Variants in NPTN observed in about 807,000 individuals in gnomAD.
NPTN encodes the protein SDR-1.
In NPTN, 5 loss-of-function variants were observed where a neutral mutation model predicts 42.7. The observed-to-expected ratio is 0.12, with a 90% CI of 0.06 to 0.25. NPTN has a LOEUF of 0.25. Ranked by LOEUF, NPTN falls within the 10% of genes least tolerant of loss-of-function variation. NPTN has a pLI of 1.00. For missense variants in NPTN, 307 were observed against 525.4 expected (o/e 0.58, Z 4.06); for synonymous variants, 180 against 201.9 (o/e 0.89, Z 0.92).
Position 73,606,467 on chromosome 15 carries a change from T to C in NPTN, c.92-9098A>G, listed in dbSNP as rs76770268. Reference sequence around the variant, plus strand: ...GCCATTAAAAACCAGGAATGTCTCATGCAGGGGAAACAGAAAAATGCACAC... The same window carrying C: ...GCCATTAAAAACCAGGAATGTCTCACGCAGGGGAAACAGAAAAATGCACAC... On this transcript the variant is annotated intron_variant, in intron 1 of 8. Coordinates refer to ENST00000345330, the MANE Select transcript of NPTN (RefSeq NM_012428.4). Among the ~76,000 whole-genome samples the C allele has an allele frequency of 4.0e-3, 602 of 152,300 alleles. 4 individuals are homozygous for C. Among genetic ancestry groups the C allele is most frequent in the African/African-American group, 0.014 (586 of 41,566 alleles).
intron 1 of NPTN, among the ~76,000 whole-genome samples, chr15:73,605,099 A>AGGCGGGGGG (rs1402136743): frequency 4.1e-5 from 5 of 121,682 alleles, no homozygotes; most frequent in African/African-American, 1.8e-4. Flanking sequence ...CCCTGTCTCA[A>AGGCGGGGGG]GGGGGGGGGG....
In NPTN at chr15:73,570,366, A is replaced by G. The variant is rs1895299382; in HGVS notation, c.898T>C (p.Leu300=). The change falls in exon 6 of 9, where the codon TTG becomes CTG. Residue 300 remains leucine (L), a synonymous_variant. Transcript: ENST00000345330. This position sits in a 1 kb window ranked among gnomAD's most constrained non-coding sequence, Gnocchi z 4.0. ...GTGATCTGCAGGTTCACAATGTTCA[A>G]CTCAGTGTAATTTTCCTTGTTGATG... ...FIINKENYTE[L]NIVNLQITED... 6.2e-6 allele frequency: 10 copies of G among 1,613,970 alleles called. No individual in the cohort carries two copies. The highest frequency in any genetic ancestry group is 8.5e-6 in the Non-Finnish European group (10 of 1,180,006).
intron 1 of NPTN, among the ~76,000 whole-genome samples, chr15:73,615,515 T>C (rs1897822580): frequency 6.6e-6 from 1 of 152,172 alleles, no homozygotes. Flanking sequence ...CTGACAGCAA[T>C]GCTTTTACTA....
intron 1 of NPTN, among the ~76,000 whole-genome samples, chr15:73,626,558 C>T (rs1272762768): frequency 1.3e-5 from 2 of 152,114 alleles, no homozygotes; most frequent in African/African-American, 4.8e-5. Context: ...GTTTCCAAAT[C>T]CTACCATCAG....
intron 6 of NPTN, chr15:73,568,435 A>G: frequency 1.0e-6 from 1 of 985,384 alleles, no homozygotes; most frequent in Non-Finnish European, 1.2e-6. Flanking sequence ...TTCTGGGGGG[A>G]TAAAAAGGCC....
chr15:73,612,657 C>T (rs1897650483), intron 1 of NPTN, among the ~76,000 whole-genome samples: 1 of 152,086 alleles, frequency 6.6e-6, no homozygotes, highest in African/African-American at 2.4e-5. Context: ...GTAGTCTCAG[C>T]TACGTGGGAG....
intron 1 of NPTN, among the ~76,000 whole-genome samples, chr15:73,628,103 T>C (rs1439033434): frequency 1.3e-5 from 2 of 152,238 alleles, no homozygotes; most frequent in African/African-American, 2.4e-5. Flanking sequence ...TTTTAAAAAT[T>C]TGTATAAAAT....
intron 1 of NPTN, among the ~76,000 whole-genome samples, chr15:73,617,471 T>C (rs1897918121): frequency 6.6e-6 from 1 of 152,196 alleles, no homozygotes; most frequent in African/African-American, 2.4e-5. Context: ...TTCCCTCCTG[T>C]GGTTAGTTAC....
chr15:73,609,068 T>G (rs919297399), intron 1 of NPTN, among the ~76,000 whole-genome samples: 1 of 152,146 alleles, frequency 6.6e-6, no homozygotes, highest in Non-Finnish European at 1.5e-5. Context: ...AGAATGGAAC[T>G]TTCTACATAA....
chr15:73,621,914 A>T (rs575664228), intron 1 of NPTN, among the ~76,000 whole-genome samples: 1 of 152,166 alleles, frequency 6.6e-6, no homozygotes, highest in Admixed American at 6.5e-5. Context: ...GCCTTAGCCC[A>T]TAACAAAAGG....
At chr15:73,598,786 A>C (rs900661224) in intron 1 of NPTN, among the ~76,000 whole-genome samples, 3 of 152,210 alleles carry the variant, frequency 2.0e-5, no homozygotes, top group African/African-American at 7.2e-5. Flanking sequence ...AATAAATGGA[A>C]CTGTTTTCCT....
intron 1 of NPTN, among the ~76,000 whole-genome samples, chr15:73,615,367 T>A (rs182594411): frequency 7.9e-5 from 12 of 152,280 alleles, no homozygotes; most frequent in African/African-American, 2.9e-4. Flanking sequence ...ACGCAAAGTA[T>A]ATCATAATTT....
At position 73,633,052 on chromosome 15, in the gene NPTN, G is replaced by A. The variant is rs553346855; in HGVS notation, c.91+73C>T. The A allele has an allele frequency of 2.1e-3, 2,395 of 1,114,264 alleles. 46 individuals carry two copies. The African/African-American group carries it at 0.036, about 17-fold the overall frequency. The allele number at this position is 1,114,264 out of a possible 1,614,324, so 69.0% of individuals were successfully genotyped here. ...TTCCCCGAGCTCCAGCGTCTCCTCA[G>A]GCCAGAGCCGGGCCCCCTCCGGCCC... On this transcript the variant is annotated intron_variant, in intron 1 of 8. Coordinates refer to ENST00000345330, the MANE Select transcript of NPTN (RefSeq NM_012428.4).
At chr15:73,583,890 A>G (rs1896187089) in intron 4 of NPTN, among the ~76,000 whole-genome samples, 1 of 152,178 alleles carries the variant, frequency 6.6e-6, no homozygotes. Flanking sequence ...AGTGATCTTC[A>G]TCCCCACCAC....
chr15:73,594,294 A>C (rs1896731923), intron 2 of NPTN, among the ~76,000 whole-genome samples: 1 of 152,086 alleles, frequency 6.6e-6, no homozygotes, highest in Non-Finnish European at 1.5e-5. Context: ...AGTAAATGCT[A>C]CTCTTACCTG....
At chr15:73,601,474 G>A (rs147683910) in intron 1 of NPTN, among the ~76,000 whole-genome samples, 56 of 152,308 alleles carry the variant, frequency 3.7e-4, no homozygotes, top group African/African-American at 1.3e-3. Context: ...GAAAAGAACT[G>A]GCTCTCAGCA....
In NPTN at chr15:73,597,413, A is replaced by C; in HGVS notation, c.92-44T>G. ...GGAATGCAGTGACAGGCCAATCAGA[A>C]AAAAAAAAAAGAATCAACAGGTGTT... On this transcript the variant is annotated intron_variant, in intron 1 of 8. Transcript: ENST00000345330. The surrounding 1 kb of genome is among the most constrained non-coding windows in gnomAD (Gnocchi z 6.3). 7.7e-7 allele frequency: 1 copy of C among 1,303,058 alleles called. No individual in the cohort carries two copies. Among genetic ancestry groups the C allele is most frequent in the East Asian group, 2.5e-5 (1 of 39,804 alleles). The allele number at this position is 1,303,058 out of a possible 1,614,324, so 80.7% of individuals were successfully genotyped here. A position where few individuals can be genotyped will look rare whatever the true frequency, so the allele number is the denominator to read the frequency against.
intron 4 of NPTN, among the ~76,000 whole-genome samples, chr15:73,584,673 C>G (rs892219785): frequency 1.3e-5 from 2 of 151,156 alleles, no homozygotes; most frequent in African/African-American, 4.9e-5. Context: ...CATCTTCCTT[C>G]TCTCCATCTG....
Position 73,596,991 on chromosome 15 carries a change from C to T in NPTN, c.439+31G>A, listed in dbSNP as rs776910718. The T allele has an allele frequency of 5.7e-6, 9 of 1,572,714 alleles. No homozygotes were observed. The Admixed American group carries it at 8.6e-5, about 15-fold the overall frequency. On this transcript the variant is annotated intron_variant, in intron 2 of 8. Coordinates refer to ENST00000345330, the MANE Select transcript of NPTN (RefSeq NM_012428.4). Reference sequence around the variant, plus strand: ...GTCATTGGGCCACCTCTAATGACTACAGTACTACTACTGTAGGGTGCTGGA... The same window carrying T: ...GTCATTGGGCCACCTCTAATGACTATAGTACTACTACTGTAGGGTGCTGGA...
Sources: allele counts gnomAD v4.1 joint callset (sites outside exome capture counted in the v4.1 genomes callset), GRCh38; gene constraint gnomAD v4.1.1; non-coding constraint Gnocchi (gnomAD v3.1); transcripts MANE v1.5; gene names NCBI Gene and HGNC (gene_info 2026-07-23, HGNC 2026-07-21).